Variants in PDE4DIP observed in about 807,000 individuals in gnomAD.
PDE4DIP encodes phosphodiesterase 4D interacting protein.
In PDE4DIP, 59 loss-of-function variants were observed where a neutral mutation model predicts 221.4. The ratio of observed to expected loss-of-function variants is 0.27; its 90% CI spans 0.22 to 0.33. The LOEUF is 0.33. PDE4DIP is among the 10% of genes least tolerant of loss of function. The pLI is 1.00. For missense variants in PDE4DIP, 1,036 were observed against 2,154.2 expected (o/e 0.48, Z 10.28); for synonymous variants, 404 against 815.9 (o/e 0.50, Z 8.60).
At chr1:148,826,192 C>T (rs1553365039) in intron 1 of PDE4DIP, among the ~76,000 whole-genome samples, 1 of 97,058 alleles carries the variant, frequency 1.0e-5, no homozygotes, top group African/African-American at 3.6e-5. Flanking sequence ...CTCCCTCTAT[C>T]TCCTAAGAAT....
intron 21 of PDE4DIP, among the ~76,000 whole-genome samples, chr1:148,987,009 ATTACCC>A (rs1252986608): frequency 6.6e-6 from 1 of 152,136 alleles, no homozygotes; most frequent in Non-Finnish European, 1.5e-5. Flanking sequence ...GTATTGAATA[ATTACCC>A]TTTTGGAGAA....
At chr1:148,923,574 C>A (rs1440911401) in intron 1 of PDE4DIP, among the ~76,000 whole-genome samples, 1 of 141,310 alleles carries the variant, frequency 7.1e-6, no homozygotes, top group African/African-American at 2.9e-5. Flanking sequence ...CCCGGGTTCA[C>A]GCCATTCTCC....
chr1:148,859,826 G>C (rs1457082104), intron 1 of PDE4DIP, among the ~76,000 whole-genome samples: 1 of 119,762 alleles, frequency 8.3e-6, no homozygotes, highest in Non-Finnish European at 1.8e-5. Flanking sequence ...GTGTGTGTGT[G>C]TGTATGTGTG....
At chr1:148,826,130 C>A (rs1670478641) in intron 1 of PDE4DIP, among the ~76,000 whole-genome samples, 1 of 92,140 alleles carries the variant, frequency 1.1e-5, no homozygotes. Context: ...AAGTTTGAAC[C>A]AATTGATCTG....
intron 5 of PDE4DIP, among the ~76,000 whole-genome samples, chr1:148,947,933 A>C (rs1553484856): frequency 6.6e-6 from 1 of 151,664 alleles, no homozygotes. Flanking sequence ...TCAGGAATGC[A>C]AATTCTTGAG....
intron 1 of PDE4DIP, among the ~76,000 whole-genome samples, chr1:148,828,621 A>C (rs1418055781): frequency 6.6e-6 from 1 of 151,726 alleles, no homozygotes; most frequent in Non-Finnish European, 1.5e-5. Flanking sequence ...TGTTCAAATC[A>C]AGGAGAATTA....
chr1:148,981,132 A>G (rs2061007362), intron 20 of PDE4DIP, 138 bp from the exon 24 acceptor site: 1 of 757,026 alleles, frequency 1.3e-6, no homozygotes, highest in African/African-American at 1.7e-5. Context: ...GACTACATTC[A>G]TTTATTGTGT....
intron 21 of PDE4DIP, chr1:148,984,636 T>C: frequency 6.6e-6 from 1 of 152,120 alleles, no homozygotes; most frequent in East Asian, 1.9e-4. Flanking sequence ...ATTTCAGTTC[T>C]CTCTATGTTG....
chr1:148,980,201 TA>T (rs2060853909), intron 20 of PDE4DIP, among the ~76,000 whole-genome samples: 1 of 152,164 alleles, frequency 6.6e-6, no homozygotes, highest in South Asian at 2.1e-4. Flanking sequence ...TGTTCTATTA[TA>T]AACGTAAGGC....
intron 21 of PDE4DIP, chr1:148,990,212 T>C: frequency 1.0e-6 from 1 of 985,036 alleles, no homozygotes; most frequent in Non-Finnish European, 1.2e-6. Flanking sequence ...AGAAAAAGTT[T>C]CAGCATTTTA....
intron 23 of PDE4DIP, 45 bp downstream of exon 26, chr1:148,998,420 C>T (rs781961320): frequency 2.7e-6 from 3 of 1,127,448 alleles, no homozygotes; most frequent in East Asian, 2.4e-5. Flanking sequence ...GGTCATGAGG[C>T]ACCACAGCCA....
intron 23 of PDE4DIP, among the ~76,000 whole-genome samples, chr1:148,999,906 TTTTA>T (rs1418665949): frequency 1.3e-5 from 2 of 150,902 alleles, no homozygotes; most frequent in African/African-American, 4.8e-5. Flanking sequence ...TGAGTTTTTC[TTTTA>T]TTTGTTTGTA....
intron 9 of PDE4DIP, among the ~76,000 whole-genome samples, chr1:148,962,993 T>C (rs1201177648): frequency 1.3e-5 from 2 of 152,134 alleles, no homozygotes; most frequent in East Asian, 1.9e-4. Context: ...CCTGTATTCA[T>C]GCCATTCTCC....
chr1:148,935,373 A>C (rs1309274430), intron 4 of PDE4DIP, among the ~76,000 whole-genome samples: 1 of 121,582 alleles, frequency 8.2e-6, no homozygotes, highest in Admixed American at 8.8e-5. Context: ...ACCTCAGCAC[A>C]GTATTTTACA....
chr1:148,964,729 TA>T (rs1553516337), intron 9 of PDE4DIP, among the ~76,000 whole-genome samples: 1 of 151,674 alleles, frequency 6.6e-6, no homozygotes, highest in Non-Finnish European at 1.5e-5. Flanking sequence ...ACCCCGTCTC[TA>T]CTAAAAATAC....
At chr1:148,932,700 A>AT (rs1333337951) in intron 4 of PDE4DIP, 1 of 350,032 alleles carries the variant, frequency 2.9e-6, no homozygotes, top group African/African-American at 2.2e-5. Context: ...AGGGTCATCC[A>AT]TTCCACATTA....
At chr1:148,981,295 G>T in exon 21 of PDE4DIP, 1 of 1,613,742 alleles carries the variant, frequency 6.2e-7, no homozygotes, top group Non-Finnish European at 8.5e-7. Flanking sequence ...AACTCTGCAG[G>T]TGGAACTGGA....
chr1:149,001,885 C>T (rs1553578249), exon 24 of PDE4DIP: 1 of 1,613,984 alleles, frequency 6.2e-7, no homozygotes. Context: ...ATCTGACCAG[C>T]ACCATTGAAA....
chr1:149,016,161 G>A (rs2070472521), intron 32 of PDE4DIP, 138 bp from the exon 36 acceptor site: 1 of 569,382 alleles, frequency 1.8e-6, no homozygotes, highest in African/African-American at 1.9e-5. Context: ...AGTCTAATTA[G>A]TATACCAAAG....
Sources: gnomAD v4.1 joint callset for allele counts (sites outside exome capture counted in the v4.1 genomes callset) on GRCh38, gnomAD v4.1.1 for gene constraint, MANE v1.5 for transcripts, NCBI Gene and HGNC (gene_info 2026-07-23, HGNC 2026-07-21) for gene names.